PRDM15: variants seen among roughly 807,000 people sequenced by gnomAD.
The protein encoded by PRDM15 is PR domain zinc finger protein 15.
Under a neutral mutation model 128.6 loss-of-function variants are expected in PRDM15, and 64 were observed. The ratio of observed to expected loss-of-function variants is 0.50; its 90% CI spans 0.41 to 0.61. The LOEUF is 0.61. PRDM15 is among the 20% of genes least tolerant of loss of function. The pLI is 0.00. For missense variants in PRDM15, 1,242 were observed against 1,569.1 expected, an observed-to-expected ratio of 0.79 and a Z score of 3.52; for synonymous variants, 615 against 621.8, an observed-to-expected ratio of 0.99 and a Z score of 0.16.
intron 11 of PRDM15, among the ~76,000 whole-genome samples, chr21:41,833,170 C>T (rs910267973): frequency 2.0e-5 from 3 of 152,276 alleles, no homozygotes; most frequent in African/African-American, 7.2e-5. Context: ...TTTGCTATTC[C>T]GTAGCACAGT....
intron 1 of PRDM15, among the ~76,000 whole-genome samples, chr21:41,878,502 C>A (rs1284213398): frequency 6.6e-6 from 1 of 152,286 alleles, no homozygotes; most frequent in East Asian, 1.9e-4. Context: ...TCTAGCAGGA[C>A]GCTGCGCGTG....
chr21:41,819,602 A>G lies in PRDM15; in HGVS notation c.2240T>C (p.Leu747Pro). 1 of 1,612,538 alleles carries G rather than the reference A, an allele frequency of 6.2e-7. No homozygotes were observed. The highest frequency in any genetic ancestry group is 1.1e-5 in the South Asian group (1 of 90,920). The change falls in exon 18 of 24, where the codon CTG becomes CCG. Residue 747 changes from leucine (L) to proline (P), a missense_variant. Transcript: ENST00000398548. The stretch of plus-strand genomic sequence containing the variant: ...CCCACCTTTCCCACACTCGGCACAC[A>G]GGTACTCGCGGACATTGTCGTGCAC... ...MRVHDNVREY[L>P]CAECGKGMKT...
chr21:41,867,043 G>A (rs1177531223), intron 1 of PRDM15, among the ~76,000 whole-genome samples: 2 of 152,184 alleles, frequency 1.3e-5, no homozygotes, highest in Non-Finnish European at 2.9e-5. Context: ...GCCTAGCAGG[G>A]TGACCTCCCC....
At chr21:41,819,541 C>T in intron 18 of PRDM15, 41 bp downstream of exon 18, 1 of 1,504,286 alleles carries the variant, frequency 6.6e-7, no homozygotes, top group East Asian at 2.8e-5. Flanking sequence ...AGCAGGGTGG[C>T]CTGGCTGAGC....
intron 1 of PRDM15, among the ~76,000 whole-genome samples, chr21:41,866,283 C>G (rs1206829068): frequency 6.6e-6 from 1 of 152,230 alleles, no homozygotes; most frequent in African/African-American, 2.4e-5. Flanking sequence ...GCACTAAGAT[C>G]TGGAGGAGAA....
At chr21:41,806,033 TCACCACCACCATCACCAC>T (rs2061568675) in intron 21 of PRDM15, among the ~76,000 whole-genome samples, 1 of 14,264 alleles carries the variant, frequency 7.0e-5, no homozygotes, top group African/African-American at 2.4e-4. Context: ...ACCACCACCA[TCACCACCACCATCACCAC>T]CACCACCATC....
Position 41,804,539 on chromosome 21 carries a change from C to T in PRDM15, c.2728G>A (p.Val910Ile), listed in dbSNP as rs149203937. The T allele has an allele frequency of 4.2e-5, 65 of 1,565,216 alleles. No individual in the cohort carries two copies. The African/African-American group carries it at 4.2e-4, about 10-fold the overall frequency. ...TGGGGCCCCATGCTGCTCACCTGGA[C>T]GATGCCAATGGAGGAGGCGTCGATG... is the stretch of plus-strand genomic sequence containing the variant. ...TTIDASSIGI[V>I]QPELTLEQED... Residue 910 changes from valine to isoleucine, a missense_variant, in exon 22 of 24, where the codon GTC (valine) becomes ATC (isoleucine). Coordinates refer to ENST00000398548, the MANE Select transcript of PRDM15 (RefSeq NM_001040424.3).
At chr21:41,815,612 T>C (rs2062021801) in intron 19 of PRDM15, 93 bp downstream of exon 19, 2 of 1,506,612 alleles carry the variant, frequency 1.3e-6, no homozygotes, top group Non-Finnish European at 1.8e-6. Flanking sequence ...CAAAGAGGAA[T>C]CGTCTCAAGG....
chr21:41,818,247 G>A (rs972928510), intron 18 of PRDM15, among the ~76,000 whole-genome samples: 1 of 152,244 alleles, frequency 6.6e-6, no homozygotes, highest in Non-Finnish European at 1.5e-5. Context: ...GTCCCGCTAA[G>A]GCAGGCAGAC....
At chr21:41,815,331 C>T (rs986711151) in intron 19 of PRDM15, among the ~76,000 whole-genome samples, 5 of 152,222 alleles carry the variant, frequency 3.3e-5, no homozygotes, top group African/African-American at 1.2e-4. Context: ...GACCTTCCAG[C>T]GCCTTCCCTA....
At chr21:41,801,760 T>G (rs1297464503) in intron 23 of PRDM15, 38 bp from the exon 24 acceptor site, 9 of 1,586,310 alleles carry the variant, frequency 5.7e-6, no homozygotes, top group Non-Finnish European at 7.7e-6. Flanking sequence ...CGTTCATTTT[T>G]GCAAAATGGG....
At chr21:41,829,723 C>A (rs1441323841) in intron 11 of PRDM15, among the ~76,000 whole-genome samples, 1 of 151,048 alleles carries the variant, frequency 6.6e-6, no homozygotes, top group Non-Finnish European at 1.5e-5. Flanking sequence ...CACACACGAG[C>A]CCCACATAAA....
rs1451400290 is a variant in PRDM15, at chr21:41,801,024, T to C, written c.*216A>G. On this transcript the variant is annotated 3_prime_UTR_variant, in exon 24 of 24. Transcript: ENST00000398548. ...TGGTAAGGCATGGTGTGGAGCCCCATCCAGTTTAAAACTCTGGCCTGCCAG... is the reference window on the plus strand; with the variant it reads ...TGGTAAGGCATGGTGTGGAGCCCCACCCAGTTTAAAACTCTGGCCTGCCAG... The C allele has an allele frequency of 2.8e-5, 16 of 561,412 alleles. No homozygotes were observed. The highest frequency in any genetic ancestry group is 4.4e-5 in the Non-Finnish European group (15 of 338,530). 34.8% of individuals were successfully genotyped at this position (561,412 alleles called of 1,614,324 possible). A position where few individuals can be genotyped will look rare whatever the true frequency, so the allele number is the denominator to read the frequency against.
chr21:41,828,462 G>A lies in PRDM15; in HGVS notation c.1367-129C>T. 2.2e-6 allele frequency: 2 copies of A among 891,344 alleles called. No homozygotes were observed. Among genetic ancestry groups the A allele is most frequent in the Non-Finnish European group, 1.8e-6 (1 of 551,324 alleles). 55.2% of individuals were successfully genotyped at this position (891,344 alleles called of 1,614,324 possible). A position where few individuals can be genotyped will look rare whatever the true frequency, so the allele number is the denominator to read the frequency against. The stretch of plus-strand genomic sequence containing the variant: ...TGAGAGTCACGGGGATGCGTGGCCA[G>A]GAAGAAAACAGCACCTGTGTGTCAT... On this transcript the variant is annotated intron_variant, in intron 11 of 23. Transcript: ENST00000398548. The surrounding 1 kb of genome is among the most constrained non-coding windows in gnomAD (Gnocchi z 5.7).
At chr21:41,813,509 T>G (rs1437131170) in intron 19 of PRDM15, 1 of 152,392 alleles carries the variant, frequency 6.6e-6, no homozygotes, top group East Asian at 1.9e-4. Context: ...TGACGTGGGC[T>G]GGATAAAGGC....
intron 1 of PRDM15, chr21:41,861,569 G>T (rs1333829750): frequency 6.2e-7 from 1 of 1,610,298 alleles, no homozygotes; most frequent in Non-Finnish European, 8.5e-7. Context: ...GCACCGGCAT[G>T]TCCTTCCTGC....
intron 21 of PRDM15, among the ~76,000 whole-genome samples, chr21:41,806,839 C>T (rs1361270306): frequency 3.3e-5 from 5 of 149,652 alleles, no homozygotes; most frequent in South Asian, 4.4e-4. Context: ...ATCACCACCA[C>T]GACTGTCACC....
intron 6 of PRDM15, among the ~76,000 whole-genome samples, chr21:41,843,697 C>G (rs2063142778): frequency 6.6e-6 from 1 of 152,134 alleles, no homozygotes; most frequent in South Asian, 2.1e-4. Context: ...CAAGTTTGGC[C>G]CTGAGGCCAC....
At chr21:41,841,653 G>A (rs1285992949) in intron 6 of PRDM15, among the ~76,000 whole-genome samples, 1 of 152,054 alleles carries the variant, frequency 6.6e-6, no homozygotes, top group Non-Finnish European at 1.5e-5. Context: ...AAAATACTTA[G>A]AACTAAAATA....
Sources: allele counts gnomAD v4.1 joint callset (sites outside exome capture counted in the v4.1 genomes callset), GRCh38; gene constraint gnomAD v4.1.1; non-coding constraint Gnocchi (gnomAD v3.1); transcripts MANE v1.5; gene names NCBI Gene and HGNC (gene_info 2026-07-23, HGNC 2026-07-21).